Variants in NALF1 observed in about 807,000 individuals in gnomAD.
The protein encoded by NALF1 is family with sequence similarity 155 member A.
NALF1 carries 3 observed loss-of-function variants against 48.4 expected under a neutral mutation model. The ratio of observed to expected loss-of-function variants is 0.06; its 90% CI spans 0.03 to 0.16. The LOEUF (loss-of-function observed/expected upper bound fraction) is 0.16, where lower values mean the gene tolerates loss of function less well. Ranked by LOEUF, NALF1 falls within the 10% of genes least tolerant of loss-of-function variation. The pLI is 1.00. For synonymous variants in NALF1, 262 were observed against 245.7 expected (o/e 1.07, Z -0.62); for missense variants, 526 against 571.5 (o/e 0.92, Z 0.81).
chr13:107,626,040 T>C (rs954969487), intron 1 of NALF1, among the ~76,000 whole-genome samples: 1 of 152,098 alleles, frequency 6.6e-6, no homozygotes, highest in Admixed American at 6.6e-5. Context: ...GTCGTTTCTT[T>C]TTAACTTGTT....
intron 1 of NALF1, among the ~76,000 whole-genome samples, chr13:107,476,498 T>G (rs1885178779): frequency 6.6e-6 from 1 of 152,106 alleles, no homozygotes; most frequent in Non-Finnish European, 1.5e-5. Context: ...TATTATTAAA[T>G]CTATCTAATT....
At chr13:107,723,235 A>G (rs868126938) in intron 1 of NALF1, among the ~76,000 whole-genome samples, 1 of 152,078 alleles carries the variant, frequency 6.6e-6, no homozygotes, top group Non-Finnish European at 1.5e-5. Context: ...ACTTTTCTAG[A>G]TATCTTTTGC....
intron 1 of NALF1, among the ~76,000 whole-genome samples, chr13:107,227,671 T>C (rs1047264128): frequency 6.6e-5 from 10 of 152,200 alleles, no homozygotes; most frequent in African/African-American, 2.4e-4. Context: ...CAGTTTTACA[T>C]GGTGAGATTG....
chr13:107,705,148 A>G (rs1435692713), intron 1 of NALF1, among the ~76,000 whole-genome samples: 2 of 152,216 alleles, frequency 1.3e-5, no homozygotes, highest in Non-Finnish European at 2.9e-5. Context: ...GTACTTCCCA[A>G]GACAGACAGA....
intron 1 of NALF1, among the ~76,000 whole-genome samples, chr13:107,326,718 A>T (rs566032259): frequency 6.6e-6 from 1 of 152,340 alleles, no homozygotes; most frequent in East Asian, 1.9e-4. Context: ...CCCTGCAGGG[A>T]CAGAATATAA....
chr13:107,441,063 T>C (rs1488177408), intron 1 of NALF1, among the ~76,000 whole-genome samples: 1 of 152,186 alleles, frequency 6.6e-6, no homozygotes, highest in Non-Finnish European at 1.5e-5. Context: ...TAGGATACCC[T>C]TCAAGTATCC....
At chr13:107,322,909 G>A (rs1223552266) in intron 1 of NALF1, among the ~76,000 whole-genome samples, 1 of 152,124 alleles carries the variant, frequency 6.6e-6, no homozygotes, top group African/African-American at 2.4e-5. Flanking sequence ...GGGTGTTCCT[G>A]TTCCCTTGGA....
chr13:107,680,502 G>A (rs1204204574), intron 1 of NALF1, among the ~76,000 whole-genome samples: 1 of 152,052 alleles, frequency 6.6e-6, no homozygotes, highest in Non-Finnish European at 1.5e-5. Context: ...ATGGGCATGT[G>A]TATGCACGAG....
intron 1 of NALF1, among the ~76,000 whole-genome samples, chr13:107,680,594 G>A (rs1165027942): frequency 1.7e-5 from 2 of 115,092 alleles, no homozygotes; most frequent in African/African-American, 3.1e-5. Context: ...CTGTGTGTGA[G>A]GATGTATGTG....
chr13:107,216,853 C>G (rs1343113603), intron 1 of NALF1, among the ~76,000 whole-genome samples: 1 of 152,146 alleles, frequency 6.6e-6, no homozygotes, highest in Non-Finnish European at 1.5e-5. Context: ...TATGGCACCA[C>G]GGAGCTGCCC....
chr13:107,382,750 C>T (rs1336385542), intron 1 of NALF1, among the ~76,000 whole-genome samples: 1 of 152,116 alleles, frequency 6.6e-6, no homozygotes, highest in Non-Finnish European at 1.5e-5. Flanking sequence ...GGTAAAATGC[C>T]CCCCACTTAA....
At chr13:107,208,146 C>T (rs1388921870) in intron 2 of NALF1, among the ~76,000 whole-genome samples, 1 of 152,174 alleles carries the variant, frequency 6.6e-6, no homozygotes, top group Admixed American at 6.5e-5. Context: ...AGAATTTATT[C>T]CATATATTTT....
chr13:107,602,976 C>T lies in NALF1; in HGVS notation c.915+262706G>A, dbSNP rs148067290. Among the ~76,000 whole-genome samples, 1,168 of 152,230 alleles carry T rather than the reference C, an allele frequency of 7.7e-3. 9 individuals carry two copies. The highest frequency in any genetic ancestry group is 0.014 in the African/African-American group (597 of 41,550). On this transcript the variant is annotated intron_variant, in intron 1 of 2. Transcript: ENST00000375915. ...AGTGGAAAAACGGACAGGGCAATTT[C>T]GCAGCTCTCTTAACATAGACAGACT...
chr13:107,624,458 A>G (rs1462428526), intron 1 of NALF1, among the ~76,000 whole-genome samples: 1 of 152,172 alleles, frequency 6.6e-6, no homozygotes, highest in Admixed American at 6.5e-5. Context: ...TTCTGGAAAA[A>G]ACCACAGGAT....
Position 107,867,011 on chromosome 13 carries a change from C to G in NALF1, c.-415G>C, listed in dbSNP as rs1299994509. Among the ~76,000 whole-genome samples, 1 of 151,834 alleles carries G rather than the reference C, an allele frequency of 6.6e-6. No individual in the cohort carries two copies. Among genetic ancestry groups the G allele is most frequent in the African/African-American group, 2.4e-5 (1 of 41,358 alleles). Reference sequence around the variant, plus strand: ...AGGGTGGCTGGCGCGGCTCCGGTCACCCAGGCATTGTCAGCGCGCGGGTCC... The same window carrying G: ...AGGGTGGCTGGCGCGGCTCCGGTCAGCCAGGCATTGTCAGCGCGCGGGTCC... On this transcript the variant is annotated 5_prime_UTR_variant, in exon 1 of 3. Coordinates refer to ENST00000375915, the MANE Select transcript of NALF1 (RefSeq NM_001080396.3). The surrounding 1 kb of genome is among the most constrained non-coding windows in gnomAD (Gnocchi z 4.4).
At chr13:107,853,685 T>G (rs1880373800) in intron 1 of NALF1, among the ~76,000 whole-genome samples, 1 of 152,212 alleles carries the variant, frequency 6.6e-6, no homozygotes. Context: ...ATTAAGGATT[T>G]AAGACATAAA....
In NALF1 at chr13:107,467,521, T is replaced by C. The variant is rs1188402894; in HGVS notation, c.916-256766A>G. Among the ~76,000 whole-genome samples, 5 of 152,240 alleles carry C rather than the reference T, an allele frequency of 3.3e-5. No homozygotes were observed. The East Asian group carries it at 9.6e-4, about 29-fold the overall frequency. On this transcript the variant is annotated intron_variant, in intron 1 of 2. Transcript: ENST00000375915. The stretch of plus-strand genomic sequence containing the variant: ...GCAGCATATTCAATCCTACTTGCTC[T>C]TCTTGAGTGTTGCCATAAAGTCAAG...
intron 1 of NALF1, among the ~76,000 whole-genome samples, chr13:107,529,566 G>A (rs1281140378): frequency 6.6e-6 from 1 of 152,114 alleles, no homozygotes; most frequent in Non-Finnish European, 1.5e-5. Context: ...GCAATTCAGT[G>A]GTCTAATCTG....
chr13:107,856,636 G>A (rs1880446604), intron 1 of NALF1, among the ~76,000 whole-genome samples: 1 of 152,140 alleles, frequency 6.6e-6, no homozygotes, highest in Non-Finnish European at 1.5e-5. Flanking sequence ...TACTACTACT[G>A]TGAGCAAGGT....
Sources: gnomAD v4.1 joint callset for allele counts (sites outside exome capture counted in the v4.1 genomes callset) on GRCh38, gnomAD v4.1.1 for gene constraint, Gnocchi (gnomAD v3.1) non-coding constraint, MANE v1.5 for transcripts, NCBI Gene and HGNC (gene_info 2026-07-23, HGNC 2026-07-21) for gene names.